Variants in LVRN observed in about 807,000 individuals in gnomAD.
LVRN encodes the protein laeverin.
A neutral mutation model predicts 111.4 loss-of-function variants in LVRN; 99 were observed. That is an observed-to-expected ratio of 0.89 (90% CI 0.76 to 1.05). The LOEUF (loss-of-function observed/expected upper bound fraction) is 1.05, where lower values mean the gene tolerates loss of function less well. Among genes scored for constraint, LVRN ranks in the 50% least tolerant of loss-of-function variants. The probability of loss-of-function intolerance (pLI) is 0.00; values close to 1 mark genes in which losing one functional copy is unlikely to be tolerated. For missense variants in LVRN, 1,414 were observed against 1,206.8 expected (o/e 1.17, Z -2.54); for synonymous variants, 488 against 449.5 (o/e 1.09, Z -1.08).
intron 1 of LVRN, chr5:115,975,135 G>T (rs1364025105): frequency 4.7e-6 from 2 of 426,070 alleles, no homozygotes; most frequent in Non-Finnish European, 9.0e-6. Flanking sequence ...AAATAAGATT[G>T]TATGAGTCAA....
rs530151701 is a variant in LVRN at position 115,998,990 on chromosome 5, A to G, written c.1375-772A>G. Among the ~76,000 whole-genome samples the G allele has an allele frequency of 1.4e-4, 21 of 152,324 alleles. No homozygotes were observed. In the East Asian group the frequency reaches 4.1e-3, roughly 29 times the overall value. ...AAAGGGTGAGAGAGTCAACTTGCAGATCCCAAAGATAGTCAGTAGGGACTT... is the reference window on the plus strand; with the variant it reads ...AAAGGGTGAGAGAGTCAACTTGCAGGTCCCAAAGATAGTCAGTAGGGACTT... On this transcript the variant is annotated intron_variant, in intron 6 of 19. Coordinates refer to ENST00000357872, the MANE Select transcript of LVRN (RefSeq NM_173800.5).
At chr5:115,981,010 A>G (rs1416447594) in intron 1 of LVRN, among the ~76,000 whole-genome samples, 2 of 152,164 alleles carry the variant, frequency 1.3e-5, no homozygotes, top group Non-Finnish European at 2.9e-5. Context: ...GTGGTATATT[A>G]AGCAACTTTC....
At chr5:115,971,953 A>G (rs1370368311) in intron 1 of LVRN, among the ~76,000 whole-genome samples, 1 of 54,036 alleles carries the variant, frequency 1.9e-5, no homozygotes, top group Non-Finnish European at 4.9e-5. Context: ...TAACCCATAA[A>G]CATGGTATAT....
Position 115,962,735 on chromosome 5 carries a change from T to C in LVRN, c.118T>C (p.Cys40Arg). The change falls in exon 1 of 20, where the codon TGC (cysteine) becomes CGC (arginine). Residue 40 changes from cysteine to arginine, a missense_variant. Transcript: ENST00000357872. ...LAVLAALYGH[C>R]ERVPPSELPG... The stretch of plus-strand genomic sequence containing the variant: ...CGTACTCGCCGCCTTGTACGGCCAC[T>C]GCGAGCGCGTCCCACCGTCGGAGCT... 1 of 1,612,030 alleles carries C rather than the reference T, an allele frequency of 6.2e-7. No homozygotes were observed.
intron 1 of LVRN, among the ~76,000 whole-genome samples, chr5:115,972,716 T>A (rs1394025567): frequency 1.3e-5 from 2 of 152,066 alleles, no homozygotes; most frequent in South Asian, 2.1e-4. Flanking sequence ...TTATTAATTA[T>A]GATTTTTCCT....
intron 4 of LVRN, among the ~76,000 whole-genome samples, chr5:115,990,609 T>A (rs1561560052): frequency 6.6e-6 from 1 of 152,196 alleles, no homozygotes; most frequent in Non-Finnish European, 1.5e-5. Flanking sequence ...TCTCACTCTA[T>A]CACCCAGCCT....
intron 10 of LVRN, among the ~76,000 whole-genome samples, chr5:116,002,052 A>C (rs1748248462): frequency 6.6e-6 from 1 of 152,178 alleles, no homozygotes; most frequent in African/African-American, 2.4e-5. Context: ...CAATCACCAA[A>C]ATTTTCAGAT....
intron 19 of LVRN, 31 bp downstream of exon 19, chr5:116,022,497 G>GAAAA: frequency 7.0e-7 from 1 of 1,438,836 alleles, no homozygotes; most frequent in Non-Finnish European, 9.5e-7. Flanking sequence ...GAAATACAAT[G>GAAAA]ATAATTTGGA....
intron 13 of LVRN, 110 bp downstream of exon 13, chr5:116,006,077 G>T: frequency 1.3e-6 from 1 of 798,488 alleles, no homozygotes; most frequent in Admixed American, 3.1e-5. Flanking sequence ...GGCCATAACT[G>T]ATTAAGATTA....
rs185150586 is a variant in LVRN, at chr5:116,004,387, C to G, written c.2037+1007C>G. 4.2e-3 allele frequency among the ~76,000 whole-genome samples: 635 copies of G among 152,208 alleles called. 2 individuals carry two copies. Among genetic ancestry groups the G allele is most frequent in the Middle Eastern group, 6.8e-3 (2 of 294 alleles). ...GCTCTGCTGTGACTTGCTGTGAGCC[C>G]GTGGGTGGTTCATTTAGACTCCATT... On this transcript the variant is annotated intron_variant, in intron 12 of 19. Coordinates refer to ENST00000357872, the MANE Select transcript of LVRN (RefSeq NM_173800.5).
At chr5:116,009,349 ATTAATG>A (rs1268035645) in intron 13 of LVRN, among the ~76,000 whole-genome samples, 2 of 152,186 alleles carry the variant, frequency 1.3e-5, no homozygotes, top group African/African-American at 4.8e-5. Context: ...GTACAAGGAG[ATTAATG>A]TTGTTTTCAT....
At chr5:115,983,771 C>T (rs1206718633) in intron 2 of LVRN, among the ~76,000 whole-genome samples, 1 of 152,062 alleles carries the variant, frequency 6.6e-6, no homozygotes, top group East Asian at 1.9e-4. Flanking sequence ...GGCTCATGTG[C>T]CTTTTTTTCT....
At chr5:116,015,117 G>A (rs1012074927) in intron 16 of LVRN, 135 bp from the exon 17 acceptor site, 7 of 614,844 alleles carry the variant, frequency 1.1e-5, no homozygotes, top group South Asian at 3.3e-5. Context: ...TCTGATAATT[G>A]CCTCTCTAGA....
intron 1 of LVRN, among the ~76,000 whole-genome samples, chr5:115,979,711 A>G (rs73783031): frequency 0.013 from 2,001 of 152,316 alleles, 48 homozygotes; most frequent in African/African-American, 0.046. Context: ...CTTGAACCAC[A>G]GTCCAGTAGT....
At chr5:116,013,697 C>T (rs556207752) in intron 15 of LVRN, among the ~76,000 whole-genome samples, 2 of 152,150 alleles carry the variant, frequency 1.3e-5, no homozygotes, top group African/African-American at 2.4e-5. Flanking sequence ...AGAGATTTGG[C>T]GCTTGCGTTT....
intron 1 of LVRN, among the ~76,000 whole-genome samples, chr5:115,965,910 C>T (rs771234770): frequency 6.6e-6 from 1 of 152,146 alleles, no homozygotes; most frequent in South Asian, 2.1e-4. Context: ...TTGGGTATTT[C>T]TTCATAGCAG....
At chr5:115,984,257 G>A (rs1747798486) in intron 2 of LVRN, among the ~76,000 whole-genome samples, 2 of 152,160 alleles carry the variant, frequency 1.3e-5, no homozygotes, top group Non-Finnish European at 2.9e-5. Context: ...TGAGAAATGG[G>A]CTGGACTAGA....
At position 115,983,445 on chromosome 5, in the gene LVRN, T is replaced by C. The variant is rs768875078; in HGVS notation, c.838+16T>C. 19 of 1,581,972 alleles carry C rather than the reference T, an allele frequency of 1.2e-5. No individual in the cohort carries two copies. The highest frequency in any genetic ancestry group is 1.7e-6 in the Non-Finnish European group (2 of 1,169,194). On this transcript the variant is annotated intron_variant, in intron 2 of 19. Transcript: ENST00000357872. ...CCAAAGCTAGGTAAGTAATGCTTTC[T>C]GTCTATATCTAGCTGTCTATCTATA... is the stretch of plus-strand genomic sequence containing the variant.
intron 18 of LVRN, 88 bp from the exon 19 acceptor site, chr5:116,022,303 A>G (rs1292171551): frequency 2.3e-6 from 2 of 855,050 alleles, no homozygotes; most frequent in East Asian, 5.0e-5. Flanking sequence ...AATAGGGGCC[A>G]TACACTTGAC....
Sources: allele counts gnomAD v4.1 joint callset (sites outside exome capture counted in the v4.1 genomes callset), GRCh38; gene constraint gnomAD v4.1.1; transcripts MANE v1.5; gene names NCBI Gene and HGNC (gene_info 2026-07-23, HGNC 2026-07-21).